Variants in PLXNC1 observed in about 807,000 individuals in gnomAD.
The protein encoded by PLXNC1 is plexin-C1.
A neutral mutation model predicts 178.2 loss-of-function variants in PLXNC1; 75 were observed. The observed-to-expected ratio is 0.42, with a 90% CI of 0.35 to 0.51. The LOEUF (loss-of-function observed/expected upper bound fraction) is 0.51, where lower values mean the gene tolerates loss of function less well. Among genes scored for constraint, PLXNC1 ranks in the 20% least tolerant of loss-of-function variants. The pLI, the probability that PLXNC1 is intolerant of heterozygous loss-of-function variation, is 0.02. For synonymous variants in PLXNC1, 790 were observed against 779.9 expected, an observed-to-expected ratio of 1.01 and a Z score of -0.22; for missense variants, 1,503 against 1,984.4, an observed-to-expected ratio of 0.76 and a Z score of 4.61.
chr12:94,247,081 T>A (rs959040595), intron 12 of PLXNC1, among the ~76,000 whole-genome samples: 12 of 152,102 alleles, frequency 7.9e-5, no homozygotes, highest in Non-Finnish European at 1.5e-4. Flanking sequence ...ATTTTATTTT[T>A]TATATATATA....
intron 12 of PLXNC1, among the ~76,000 whole-genome samples, chr12:94,245,486 G>A (rs1964503087): frequency 6.7e-6 from 1 of 150,126 alleles, no homozygotes; most frequent in African/African-American, 2.4e-5. Context: ...TTCGAGACCA[G>A]CCTAGGCAAC....
At chr12:94,153,663 G>C (rs1251640168) in intron 1 of PLXNC1, among the ~76,000 whole-genome samples, 1 of 152,188 alleles carries the variant, frequency 6.6e-6, no homozygotes, top group African/African-American at 2.4e-5. Flanking sequence ...GGTAGACATT[G>C]AGGGTAGTAC....
chr12:94,230,402 T>C (rs201044666), intron 9 of PLXNC1, among the ~76,000 whole-genome samples: 1 of 152,134 alleles, frequency 6.6e-6, no homozygotes, highest in East Asian at 1.9e-4. Context: ...TCTGCACCCT[T>C]TGAACTGTGT....
chr12:94,214,387 T>C (rs73364678), intron 5 of PLXNC1, among the ~76,000 whole-genome samples: 3,083 of 152,288 alleles, frequency 0.02, 120 homozygotes, highest in African/African-American at 0.071. Flanking sequence ...ATGCCCATCC[T>C]AGAAACATTC....
At chr12:94,169,326 T>C (rs749604760) in intron 2 of PLXNC1, 33 bp downstream of exon 2, 1 of 1,590,794 alleles carries the variant, frequency 6.3e-7, no homozygotes, top group South Asian at 1.1e-5. Flanking sequence ...AAATGTCTAT[T>C]TTAATGGTGA....
At chr12:94,162,910 A>G (rs11107421) in intron 1 of PLXNC1, among the ~76,000 whole-genome samples, 35,126 of 152,070 alleles carry the variant, frequency 0.23, 4,296 homozygotes, top group African/African-American at 0.31. Flanking sequence ...AGAGACTTTC[A>G]CAGTAGTCAA....
chr12:94,171,171 G>A (rs956050877), intron 2 of PLXNC1, among the ~76,000 whole-genome samples: 10 of 152,122 alleles, frequency 6.6e-5, no homozygotes, highest in African/African-American at 1.7e-4. Context: ...CCTGCATGCC[G>A]CTGGCCAGCT....
At chr12:94,169,797 A>T (rs182470766) in intron 2 of PLXNC1, among the ~76,000 whole-genome samples, 1 of 152,312 alleles carries the variant, frequency 6.6e-6, no homozygotes, top group Admixed American at 6.5e-5. Context: ...CACACACACC[A>T]CAGAGAGGTT....
At chr12:94,156,641 C>T (rs1282767477) in intron 1 of PLXNC1, among the ~76,000 whole-genome samples, 3 of 151,588 alleles carry the variant, frequency 2.0e-5, no homozygotes, top group Non-Finnish European at 4.4e-5. Context: ...TCACGCCCAG[C>T]TAATTGGAAT....
At position 94,260,354 on chromosome 12, in the gene PLXNC1, G is replaced by C. The variant is rs772695387; in HGVS notation, c.3252-288G>C. ...ATTATAGGCGTGAACCACCATGCCC[G>C]GCCCATAAATTCTTAATAAAAAAAG... On this transcript the variant is annotated intron_variant, in intron 19 of 30. Transcript: ENST00000258526. This position sits in a 1 kb window ranked among gnomAD's most constrained non-coding sequence, Gnocchi z 4.4. Among the ~76,000 whole-genome samples, 2 of 151,878 alleles carry C rather than the reference G, an allele frequency of 1.3e-5. No homozygotes were observed. The highest frequency in any genetic ancestry group is 2.9e-5 in the Non-Finnish European group (2 of 67,980).
At chr12:94,257,225 G>A (rs963384235) in intron 17 of PLXNC1, among the ~76,000 whole-genome samples, 2 of 152,150 alleles carry the variant, frequency 1.3e-5, no homozygotes, top group African/African-American at 2.4e-5. Flanking sequence ...TGGAGGTTGG[G>A]GGCTGTGGGG....
At chr12:94,179,740 C>CA (rs63329860) in intron 2 of PLXNC1, among the ~76,000 whole-genome samples, 3,979 of 79,984 alleles carry the variant, frequency 0.05, 200 homozygotes, top group African/African-American at 0.12. Flanking sequence ...GACTCCATCT[C>CA]AAAAAAAAAA....
chr12:94,242,275 C>G (rs932553459), intron 11 of PLXNC1, among the ~76,000 whole-genome samples: 2 of 149,522 alleles, frequency 1.3e-5, no homozygotes, highest in African/African-American at 4.9e-5. Flanking sequence ...GTGGTCTTCC[C>G]TCTGTATCTC....
Position 94,148,983 on chromosome 12 carries a change from C to A in PLXNC1, c.12C>A (p.Ser4=), listed in dbSNP as rs1417145241. 2.8e-6 allele frequency: 4 copies of A among 1,435,954 alleles called. No homozygotes were observed. The Admixed American group carries it at 7.9e-5, about 28-fold the overall frequency. 89.0% of individuals were successfully genotyped at this position (1,435,954 alleles called of 1,614,324 possible). A position where few individuals can be genotyped will look rare whatever the true frequency, so the allele number is the denominator to read the frequency against. The change falls in exon 1 of 31, where the codon TCC becomes TCA. Residue 4 remains serine, a synonymous_variant. Coordinates refer to ENST00000258526, the MANE Select transcript of PLXNC1 (RefSeq NM_005761.3). This position sits in a 1 kb window ranked among gnomAD's most constrained non-coding sequence, Gnocchi z 4.8. ...GCCCCCCCAGCCCCATGGAGGTCTC[C>A]CGGAGGAAGGCGCCGCCGCGCCCCC... MEV[S]RRKAPPRPPR...
intron 15 of PLXNC1, among the ~76,000 whole-genome samples, chr12:94,254,292 C>T (rs1192818684): frequency 6.6e-6 from 1 of 152,226 alleles, no homozygotes; most frequent in Non-Finnish European, 1.5e-5. Context: ...GTGGCTCGCT[C>T]ATCATGTCAC....
intron 4 of PLXNC1, among the ~76,000 whole-genome samples, chr12:94,193,845 C>T (rs1592751664): frequency 6.6e-6 from 1 of 152,134 alleles, no homozygotes; most frequent in East Asian, 1.9e-4. Context: ...CCTGTTTGGG[C>T]TGCATGGGAA....
rs755955383 is a variant in PLXNC1, at chr12:94,220,064, A to G, written c.1603A>G (p.Met535Val). Residue 535 changes from methionine (M) to valine (V), a missense_variant, in exon 6 of 31, where the codon ATG (methionine) becomes GTG (valine). Physicochemically the swap from Met to Val is conservative, Grantham distance 21. This residue lies in a region of PLXNC1 where 615 missense variants were observed against 698.6 expected (regional missense o/e 0.88). Coordinates refer to ENST00000258526, the MANE Select transcript of PLXNC1 (RefSeq NM_005761.3). ...CTTCTCTCCAAGACACTCAAAGTGC[A>G]TGGTGAAGAATGTGGACTCTAGCAG... ...GSFSPRHSKC[M>V]VKNVDSSREL... 9.3e-6 allele frequency: 15 copies of G among 1,613,698 alleles called. No individual in the cohort carries two copies. Among genetic ancestry groups the G allele is most frequent in the East Asian group, 2.2e-5 (1 of 44,898 alleles).
Position 94,260,991 on chromosome 12 carries a change from G to C in PLXNC1, c.3450+151G>C. 2 of 699,080 alleles carry C rather than the reference G, an allele frequency of 2.9e-6. No homozygotes were observed. Among genetic ancestry groups the C allele is most frequent in the Non-Finnish European group, 4.9e-6 (2 of 405,546 alleles). The allele number at this position is 699,080 out of a possible 1,614,324, so 43.3% of individuals were successfully genotyped here. ...TCTTGGTCCTGACCCAGAACAGAGA[G>C]AGGGAAAGTAAACATTGTTTTTGCT... On this transcript the variant is annotated intron_variant, in intron 20 of 30. Coordinates refer to ENST00000258526, the MANE Select transcript of PLXNC1 (RefSeq NM_005761.3). This position sits in a 1 kb window ranked among gnomAD's most constrained non-coding sequence, Gnocchi z 4.4.
chr12:94,226,786 G>A, intron 8 of PLXNC1, 79 bp downstream of exon 8: 1 of 995,450 alleles, frequency 1.0e-6, no homozygotes, highest in Non-Finnish European at 1.6e-6. Flanking sequence ...CATTTTGGGA[G>A]GTCGAGGCGG....
Sources: allele counts gnomAD v4.1 joint callset (sites outside exome capture counted in the v4.1 genomes callset), GRCh38; gene constraint gnomAD v4.1.1; regional missense constraint gnomAD v4.1.1; non-coding constraint Gnocchi (gnomAD v3.1); transcripts MANE v1.5; gene names NCBI Gene and HGNC (gene_info 2026-07-23, HGNC 2026-07-21).